Variants in GRM1 observed in about 807,000 individuals in gnomAD.
GRM1 encodes the protein metabotropic glutamate receptor 1.
In GRM1, 33 loss-of-function variants were observed where a neutral mutation model predicts 90.9. The observed-to-expected ratio is 0.36, with a 90% CI of 0.28 to 0.49. The LOEUF is 0.49. Ranked by LOEUF, GRM1 falls within the 20% of genes least tolerant of loss-of-function variation. The pLI, the probability that GRM1 is intolerant of heterozygous loss-of-function variation, is 0.99. For missense variants in GRM1, 1,190 were observed against 1,534.3 expected (o/e 0.78, Z 3.75); for synonymous variants, 700 against 613.2 (o/e 1.14, Z -2.09).
intron 1 of GRM1, among the ~76,000 whole-genome samples, chr6:146,124,018 CTCA>C (rs1266312228): frequency 6.6e-6 from 1 of 152,182 alleles, no homozygotes; most frequent in Non-Finnish European, 1.5e-5. Flanking sequence ...GTTTACAAAA[CTCA>C]TCATTTTTCT....
intron 2 of GRM1, among the ~76,000 whole-genome samples, chr6:146,189,745 C>T (rs1031474174): frequency 1.3e-5 from 2 of 152,150 alleles, no homozygotes; most frequent in East Asian, 1.9e-4. Context: ...GCAGAAGCAG[C>T]GTCATGGCTC....
At chr6:146,038,774 A>T (rs766304544) in intron 1 of GRM1, among the ~76,000 whole-genome samples, 1 of 151,952 alleles carries the variant, frequency 6.6e-6, no homozygotes, top group African/African-American at 2.4e-5. Flanking sequence ...CTGTGGTGCT[A>T]TAACACATTT....
chr6:146,146,775 A>G (rs905998973), intron 1 of GRM1, among the ~76,000 whole-genome samples: 1 of 152,172 alleles, frequency 6.6e-6, no homozygotes, highest in African/African-American at 2.4e-5. Flanking sequence ...CTCCACCGGT[A>G]AAGAGACTCT....
intron 5 of GRM1, among the ~76,000 whole-genome samples, chr6:146,363,053 C>T (rs1378695815): frequency 6.6e-6 from 1 of 152,150 alleles, no homozygotes; most frequent in Non-Finnish European, 1.5e-5. Flanking sequence ...TACAGGAGTT[C>T]GTATCTGGCT....
At position 146,352,348 on chromosome 6, in the gene GRM1, C is replaced by T; in HGVS notation, c.1285C>T (p.His429Tyr). 6.2e-7 allele frequency: 1 copy of T among 1,614,110 alleles called. No individual in the cohort carries two copies. Among genetic ancestry groups the T allele is most frequent in the Non-Finnish European group, 8.5e-7 (1 of 1,179,962 alleles). The change falls in exon 4 of 8, where the codon CAT becomes TAT. Residue 429 changes from histidine to tyrosine, a missense_variant. By Grantham distance (83) the His-to-Tyr change is moderately conservative. Transcript: ENST00000282753. ...AMAHGLQNMH[H>Y]ALCPGHVGLC... Reference sequence around the variant, plus strand: ...GGCACATGGGCTGCAGAACATGCACCATGCCCTCTGCCCTGGCCACGTGGG... The same window carrying T: ...GGCACATGGGCTGCAGAACATGCACTATGCCCTCTGCCCTGGCCACGTGGG...
intron 2 of GRM1, among the ~76,000 whole-genome samples, chr6:146,288,640 G>A (rs1782855074): frequency 6.6e-6 from 1 of 151,178 alleles, no homozygotes; most frequent in South Asian, 2.1e-4. Context: ...TGAGTAGCTG[G>A]GATTACAGGT....
intron 7 of GRM1, among the ~76,000 whole-genome samples, chr6:146,431,227 A>G (rs1778393403): frequency 6.6e-6 from 1 of 152,232 alleles, no homozygotes; most frequent in Admixed American, 6.5e-5. Flanking sequence ...ATCTAGAGCA[A>G]GACTGAGGGG....
chr6:146,146,643 T>C (rs1777119335), intron 1 of GRM1, among the ~76,000 whole-genome samples: 1 of 152,076 alleles, frequency 6.6e-6, no homozygotes, highest in Admixed American at 6.5e-5. Flanking sequence ...TAAGAGGTGA[T>C]TAGATTAAGA....
chr6:146,102,667 T>C (rs1777089382), intron 1 of GRM1, among the ~76,000 whole-genome samples: 1 of 152,168 alleles, frequency 6.6e-6, no homozygotes, highest in Admixed American at 6.5e-5. Context: ...TAACTGCAGA[T>C]TTTACCCTTT....
chr6:146,115,259 T>C (rs2128875209), intron 1 of GRM1, among the ~76,000 whole-genome samples: 1 of 151,852 alleles, frequency 6.6e-6, no homozygotes, highest in South Asian at 2.1e-4. Context: ...TATATATACA[T>C]ATACTATACA....
At chr6:146,057,574 C>A (rs1275155489) in intron 1 of GRM1, among the ~76,000 whole-genome samples, 1 of 152,052 alleles carries the variant, frequency 6.6e-6, no homozygotes. Flanking sequence ...AGATAACATA[C>A]CAATCAATCT....
chr6:146,325,296 G>A (rs1784364788), intron 3 of GRM1, among the ~76,000 whole-genome samples: 1 of 152,170 alleles, frequency 6.6e-6, no homozygotes, highest in East Asian at 1.9e-4. Context: ...TCTACAGAGG[G>A]ATACCAGCTT....
At chr6:146,347,530 C>T (rs923981634) in intron 3 of GRM1, among the ~76,000 whole-genome samples, 6 of 152,016 alleles carry the variant, frequency 3.9e-5, no homozygotes, top group African/African-American at 1.5e-4. Flanking sequence ...GCAAATATCA[C>T]CAGTATTCCT....
chr6:146,345,389 A>G (rs954285431), intron 3 of GRM1, among the ~76,000 whole-genome samples: 5 of 152,340 alleles, frequency 3.3e-5, no homozygotes, highest in Non-Finnish European at 7.3e-5. Flanking sequence ...TTAATGCCAT[A>G]TAACATTTAT....
intron 5 of GRM1, among the ~76,000 whole-genome samples, chr6:146,380,685 CAGA>C (rs1247736461): frequency 1.3e-5 from 2 of 152,088 alleles, no homozygotes; most frequent in Non-Finnish European, 2.9e-5. Flanking sequence ...TTCTCCCAAG[CAGA>C]AGGAGTTTTG....
intron 3 of GRM1, among the ~76,000 whole-genome samples, chr6:146,326,704 A>T (rs1356457082): frequency 5.3e-5 from 8 of 152,228 alleles, no homozygotes. Flanking sequence ...GGCATAGCCC[A>T]CATTAGCTAA....
intron 2 of GRM1, among the ~76,000 whole-genome samples, chr6:146,239,500 G>T (rs748747078): frequency 6.6e-6 from 1 of 152,034 alleles, no homozygotes; most frequent in Non-Finnish European, 1.5e-5. Flanking sequence ...CATACAGGCA[G>T]GTTCTTTATA....
At chr6:146,269,290 C>T (rs1432414954) in intron 2 of GRM1, among the ~76,000 whole-genome samples, 1 of 152,168 alleles carries the variant, frequency 6.6e-6, no homozygotes, top group Non-Finnish European at 1.5e-5. Context: ...AATGAAAATT[C>T]AATAATCAGT....
At chr6:146,075,391 G>C (rs941955363) in intron 1 of GRM1, among the ~76,000 whole-genome samples, 1 of 152,170 alleles carries the variant, frequency 6.6e-6, no homozygotes, top group Non-Finnish European at 1.5e-5. Flanking sequence ...TCAGAGAGCT[G>C]ATATTCTCCT....
Sources: gnomAD v4.1 joint callset for allele counts (sites outside exome capture counted in the v4.1 genomes callset) on GRCh38, gnomAD v4.1.1 for gene constraint, MANE v1.5 for transcripts, NCBI Gene and HGNC (gene_info 2026-07-23, HGNC 2026-07-21) for gene names.